The following RXRA variants were observed in gnomAD, a reference collection of about 807,000 sequenced individuals.
RXRA encodes the protein retinoic acid receptor RXR-alpha.
RXRA carries 5 observed loss-of-function variants against 44.5 expected under a neutral mutation model. That is an observed-to-expected ratio of 0.11 (90% CI 0.06 to 0.24). The LOEUF is 0.24. RXRA is among the 10% of genes least tolerant of loss of function. The pLI, the probability that RXRA is intolerant of heterozygous loss-of-function variation, is 1.00. For missense variants in RXRA, 412 were observed against 646.5 expected (o/e 0.64, Z 3.93); for synonymous variants, 291 against 271.4 (o/e 1.07, Z -0.71).
chr9:134,398,363 C>T (rs1298829238), intron 1 of RXRA, among the ~76,000 whole-genome samples: 1 of 48,754 alleles, frequency 2.1e-5, no homozygotes, highest in Non-Finnish European at 3.8e-5. Context: ...CTGGAAGAGA[C>T]AGAGCCCACA....
chr9:134,361,617 C>T (rs1465849879), intron 1 of RXRA, among the ~76,000 whole-genome samples: 9 of 152,224 alleles, frequency 5.9e-5, no homozygotes, highest in African/African-American at 9.6e-5. Flanking sequence ...GGCCGTCGCC[C>T]GTCATTTGCT....
At chr9:134,362,240 C>T (rs1830361081) in intron 1 of RXRA, among the ~76,000 whole-genome samples, 1 of 152,174 alleles carries the variant, frequency 6.6e-6, no homozygotes, top group African/African-American at 2.4e-5. Flanking sequence ...CTCAGTGGCT[C>T]CCCTGTGCCC....
chr9:134,347,497 C>T (rs1554748969), intron 1 of RXRA, among the ~76,000 whole-genome samples: 1 of 152,148 alleles, frequency 6.6e-6, no homozygotes, highest in Non-Finnish European at 1.5e-5. Flanking sequence ...GGAGGGGGGC[C>T]TGGTCAGTCA....
chr9:134,415,682 G>T (rs1831222499), intron 4 of RXRA, among the ~76,000 whole-genome samples: 1 of 152,190 alleles, frequency 6.6e-6, no homozygotes, highest in Non-Finnish European at 1.5e-5. Flanking sequence ...GAGGAGAAGG[G>T]GCCTGGGTCA....
chr9:134,387,952 G>T (rs1830743778), intron 1 of RXRA, among the ~76,000 whole-genome samples: 1 of 152,194 alleles, frequency 6.6e-6, no homozygotes, highest in African/African-American at 2.4e-5. Context: ...TGTTTTGGAG[G>T]TGACATTGGG....
At chr9:134,383,222 A>G (rs750930744) in intron 1 of RXRA, among the ~76,000 whole-genome samples, 6 of 152,156 alleles carry the variant, frequency 3.9e-5, no homozygotes, top group Non-Finnish European at 7.4e-5. Flanking sequence ...GGTCAGCTGG[A>G]CTTGCTCTGG....
intron 1 of RXRA, among the ~76,000 whole-genome samples, chr9:134,353,905 G>A (rs1830251685): frequency 6.6e-6 from 1 of 152,226 alleles, no homozygotes; most frequent in African/African-American, 2.4e-5. Flanking sequence ...GCTGCATTTG[G>A]GGAACGTGTC....
At chr9:134,350,760 G>A (rs1304137840) in intron 1 of RXRA, among the ~76,000 whole-genome samples, 1 of 152,224 alleles carries the variant, frequency 6.6e-6, no homozygotes, top group African/African-American at 2.4e-5. Context: ...GGTGGGGATT[G>A]GGCCAGTGGC....
At position 134,439,453 on chromosome 9, in the gene RXRA, C is replaced by T. The variant is rs562954830; in HGVS notation, c.*2839C>T. 1 of 152,314 alleles carries T rather than the reference C, an allele frequency of 6.6e-6. No individual in the cohort carries two copies. The highest frequency in any genetic ancestry group is 2.4e-5 in the African/African-American group (1 of 41,474). The allele number at this position is 152,314 out of a possible 1,614,324, so 9.4% of individuals were successfully genotyped here. A position where few individuals can be genotyped will look rare whatever the true frequency, so the allele number is the denominator to read the frequency against. On this transcript the variant is annotated 3_prime_UTR_variant, in exon 10 of 10. Coordinates refer to ENST00000481739, the MANE Select transcript of RXRA (RefSeq NM_002957.6). ...AAGCTGGCCTGCCAGGACCTTCCAC[C>T]CTGGGGCCTGTGTCAGCCGCCGGCC...
At position 134,365,723 on chromosome 9, in the gene RXRA, C is replaced by T. The variant is rs575797753; in HGVS notation, c.29-35909C>T. On this transcript the variant is annotated intron_variant, in intron 1 of 9. Transcript: ENST00000481739. This position sits in a 1 kb window ranked among gnomAD's most constrained non-coding sequence, Gnocchi z 4.0. ...AGGCCAGATGTAGCCCTGAGGGGCC[C>T]GGCAGAGTCTCGGTGGGTCTCGGTG... Among the ~76,000 whole-genome samples, 26 of 151,222 alleles carry T rather than the reference C, an allele frequency of 1.7e-4. No individual in the cohort carries two copies. In the South Asian group the frequency reaches 2.1e-3, roughly 12 times the overall value.
rs1830411997 is a variant in RXRA, at chr9:134,366,131, G to A, written c.29-35501G>A. ...CGGTGCTGTCCCTGGGTACAGATGA[G>A]AAGCCAAGGCTCAGAGGCACCAGGG... On this transcript the variant is annotated intron_variant, in intron 1 of 9. Transcript: ENST00000481739. The surrounding 1 kb of genome is among the most constrained non-coding windows in gnomAD (Gnocchi z 5.9). 6.6e-6 allele frequency among the ~76,000 whole-genome samples: 1 copy of A among 152,160 alleles called. No homozygotes were observed. The highest frequency in any genetic ancestry group is 2.4e-5 in the African/African-American group (1 of 41,448).
intron 1 of RXRA, among the ~76,000 whole-genome samples, chr9:134,350,275 G>A (rs937663144): frequency 6.6e-6 from 1 of 152,100 alleles, no homozygotes; most frequent in African/African-American, 2.4e-5. Context: ...GCCGCGGAGT[G>A]GCCTGAACAC....
intron 1 of RXRA, among the ~76,000 whole-genome samples, chr9:134,334,395 C>T (rs556999047): frequency 6.6e-6 from 1 of 152,390 alleles, no homozygotes; most frequent in African/African-American, 2.4e-5. Flanking sequence ...TGGCAGGCCG[C>T]ATCCAGCTCC....
chr9:134,426,838 C>G lies in RXRA; in HGVS notation c.911-2270C>G. 1 of 985,386 alleles carries G rather than the reference C, an allele frequency of 1.0e-6. No homozygotes were observed. The highest frequency in any genetic ancestry group is 1.2e-6 in the Non-Finnish European group (1 of 829,904). 61.0% of individuals were successfully genotyped at this position (985,386 alleles called of 1,614,324 possible). The stretch of plus-strand genomic sequence containing the variant: ...GTTGTGCCCCAGCCCAGATCTTGTC[C>G]TCGGCCCCCTGGGTCCCTGCCCTTG... On this transcript the variant is annotated intron_variant, in intron 6 of 9. Coordinates refer to ENST00000481739, the MANE Select transcript of RXRA (RefSeq NM_002957.6). The surrounding 1 kb of genome is among the most constrained non-coding windows in gnomAD (Gnocchi z 4.6).
intron 7 of RXRA, among the ~76,000 whole-genome samples, chr9:134,431,299 C>T (rs1310512708): frequency 6.6e-6 from 1 of 152,248 alleles, no homozygotes; most frequent in African/African-American, 2.4e-5. Flanking sequence ...AATCCAAGAA[C>T]GCCCCCAGCG....
At chr9:134,350,083 G>C (rs797026213) in intron 1 of RXRA, among the ~76,000 whole-genome samples, 3 of 152,062 alleles carry the variant, frequency 2.0e-5, no homozygotes, top group South Asian at 2.1e-4. Flanking sequence ...TGTAGGGGGG[G>C]GTGGAAGGTG....
chr9:134,358,854 T>C (rs1830316064), intron 1 of RXRA, among the ~76,000 whole-genome samples: 1 of 152,136 alleles, frequency 6.6e-6, no homozygotes, highest in Non-Finnish European at 1.5e-5. Context: ...TGGTGAGGGC[T>C]GTGGGCAGAG....
chr9:134,350,507 C>T (rs1830208290), intron 1 of RXRA, among the ~76,000 whole-genome samples: 1 of 152,218 alleles, frequency 6.6e-6, no homozygotes, highest in Admixed American at 6.5e-5. Flanking sequence ...ATTCGGAGGC[C>T]TGTGGTTTCC....
At chr9:134,327,341 G>C (rs1446370630) in intron 1 of RXRA, among the ~76,000 whole-genome samples, 3 of 152,186 alleles carry the variant, frequency 2.0e-5, no homozygotes, top group African/African-American at 7.2e-5. Flanking sequence ...GAGGCGCGTA[G>C]GGTCAGTTTC....
Sources: gnomAD v4.1 joint callset for allele counts (sites outside exome capture counted in the v4.1 genomes callset) on GRCh38, gnomAD v4.1.1 for gene constraint, Gnocchi (gnomAD v3.1) non-coding constraint, MANE v1.5 for transcripts, NCBI Gene and HGNC (gene_info 2026-07-23, HGNC 2026-07-21) for gene names.